Variants in USP34 observed in about 807,000 individuals in gnomAD.
USP34 encodes the protein ubiquitin carboxyl-terminal hydrolase 34.
Under a neutral mutation model 460.3 loss-of-function variants are expected in USP34, and 70 were observed. That is an observed-to-expected ratio of 0.15 (90% CI 0.13 to 0.19). The LOEUF (loss-of-function observed/expected upper bound fraction) is 0.19, where lower values mean the gene tolerates loss of function less well. Among genes scored for constraint, USP34 ranks in the 10% least tolerant of loss-of-function variants. USP34 has a pLI of 1.00. For synonymous variants in USP34, 1,647 were observed against 1,405.3 expected (o/e 1.17, Z -3.85); for missense variants, 3,985 against 4,236.2 (o/e 0.94, Z 1.65).
At chr2:61,299,336 C>T (rs1293212091) in intron 29 of USP34, among the ~76,000 whole-genome samples, 1 of 152,154 alleles carries the variant, frequency 6.6e-6, no homozygotes, top group East Asian at 1.9e-4. Context: ...TTGTGATTCA[C>T]TGCATAAGCT....
intron 65 of USP34, 49 bp downstream of exon 65, chr2:61,222,570 C>T (rs761669300): frequency 8.3e-6 from 12 of 1,452,094 alleles, no homozygotes; most frequent in Non-Finnish European, 9.6e-6. Flanking sequence ...AAAGCATTAG[C>T]AGTGCTGAAA....
At chr2:61,247,427 T>C (rs777484392) in intron 49 of USP34, among the ~76,000 whole-genome samples, 1 of 152,192 alleles carries the variant, frequency 6.6e-6, no homozygotes, top group Non-Finnish European at 1.5e-5. Flanking sequence ...GCCTAACAAA[T>C]TCCTTTATCC....
intron 5 of USP34, among the ~76,000 whole-genome samples, chr2:61,386,619 T>C (rs572021770): frequency 6.6e-6 from 1 of 152,044 alleles, no homozygotes; most frequent in Non-Finnish European, 1.5e-5. Context: ...TGAAACCCCA[T>C]CTATACTAAA....
intron 1 of USP34, among the ~76,000 whole-genome samples, chr2:61,440,828 A>AT (rs200649637): frequency 8.0e-5 from 12 of 150,224 alleles, no homozygotes; most frequent in African/African-American, 2.2e-4. Flanking sequence ...TACTTTTTTA[A>AT]TTTAAAAAAA....
chr2:61,377,188 A>G (rs763151103), intron 8 of USP34, among the ~76,000 whole-genome samples: 1 of 152,218 alleles, frequency 6.6e-6, no homozygotes, highest in Non-Finnish European at 1.5e-5. Context: ...GGGAAAAAAG[A>G]GTCAAGAGAC....
chr2:61,315,970 C>G (rs1690731224), intron 23 of USP34, among the ~76,000 whole-genome samples: 1 of 150,700 alleles, frequency 6.6e-6, no homozygotes, highest in Non-Finnish European at 1.5e-5. Flanking sequence ...GAGGCTGAGG[C>G]AGGCAGACTG....
chr2:61,453,714 CAAAA>C lies in USP34; in HGVS notation c.43+16932_43+16935del, dbSNP rs1169951643. 5.3e-4 allele frequency among the ~76,000 whole-genome samples: 17 copies of C among 31,914 alleles called. No homozygotes were observed. In the East Asian group the frequency reaches 8.0e-3, roughly 15 times the overall value. The allele number at this position is 31,914 out of a possible 152,430, so 20.9% of individuals were successfully genotyped here. ...CAAGCAACAGAGTGACATTCCATCTCAAAAAAAAAAAAAAAAAAAAAGGAAGAAG... is the reference window on the plus strand; with the variant it reads ...CAAGCAACAGAGTGACATTCCATCTCAAAAAAAAAAAAAAAAAGGAAGAAG... On this transcript the variant is annotated intron_variant, in intron 1 of 79. Coordinates refer to ENST00000398571, the MANE Select transcript of USP34 (RefSeq NM_014709.4).
rs1247434613 is a variant in USP34 at position 61,449,738 on chromosome 2, T to C, written c.43+20912A>G. Among the ~76,000 whole-genome samples the C allele has an allele frequency of 6.6e-5, 10 of 152,142 alleles. No individual in the cohort carries two copies. In the East Asian group the frequency reaches 1.7e-3, roughly 26 times the overall value. ...CAGAAAGAATAGATTTTTCTAAAAA[T>C]GAAGCTTGGACAACTGAACAGCCTC... On this transcript the variant is annotated intron_variant, in intron 1 of 79. Coordinates refer to ENST00000398571, the MANE Select transcript of USP34 (RefSeq NM_014709.4).
At chr2:61,402,058 C>T (rs1263515102) in intron 3 of USP34, among the ~76,000 whole-genome samples, 2 of 151,602 alleles carry the variant, frequency 1.3e-5, no homozygotes, top group Non-Finnish European at 2.9e-5. Context: ...CGAGACCAGG[C>T]TGGTCTCGAT....
chr2:61,292,951 T>C (rs1015734936), intron 33 of USP34, among the ~76,000 whole-genome samples: 2 of 152,164 alleles, frequency 1.3e-5, no homozygotes, highest in African/African-American at 4.8e-5. Context: ...ACCAATACTT[T>C]TGTAAAGTAT....
intron 1 of USP34, among the ~76,000 whole-genome samples, chr2:61,431,828 T>C (rs930335192): frequency 3.3e-5 from 5 of 152,230 alleles, no homozygotes; most frequent in Middle Eastern, 3.4e-3. Context: ...CATTCCAGCC[T>C]GGGCAACAAG....
At chr2:61,292,172 C>T (rs1175629145) in intron 33 of USP34, among the ~76,000 whole-genome samples, 1 of 151,658 alleles carries the variant, frequency 6.6e-6, no homozygotes, top group East Asian at 1.9e-4. Flanking sequence ...TGGAGGAGTA[C>T]ATTGATTGCA....
At chr2:61,420,229 C>T (rs1024867902) in intron 2 of USP34, among the ~76,000 whole-genome samples, 3 of 152,126 alleles carry the variant, frequency 2.0e-5, no homozygotes, top group African/African-American at 4.8e-5. Flanking sequence ...TTAGCAAAGA[C>T]TAGTTAAAAT....
chr2:61,270,984 A>AT (rs1194103510), intron 41 of USP34, among the ~76,000 whole-genome samples: 5 of 152,034 alleles, frequency 3.3e-5, no homozygotes, highest in Admixed American at 6.5e-5. Context: ...AAAGATATCC[A>AT]TTAAAAAAGC....
At chr2:61,366,999 A>G (rs1465192861) in intron 10 of USP34, among the ~76,000 whole-genome samples, 1 of 152,118 alleles carries the variant, frequency 6.6e-6, no homozygotes, top group Non-Finnish European at 1.5e-5. Context: ...CAGCAAGTCA[A>G]GACTCCACCA....
intron 27 of USP34, among the ~76,000 whole-genome samples, chr2:61,310,668 C>CACATAT (rs571418998): frequency 4.7e-4 from 71 of 150,008 alleles, no homozygotes; most frequent in Middle Eastern, 3.5e-3. Flanking sequence ...TATATATATA[C>CACATAT]ACATATACAT....
chr2:61,263,460 C>T (rs527378516), intron 43 of USP34, among the ~76,000 whole-genome samples: 24 of 151,332 alleles, frequency 1.6e-4, no homozygotes, highest in Admixed American at 5.9e-4. Flanking sequence ...GGATTACAGG[C>T]GTGAGCTACT....
chr2:61,316,116 G>C (rs1440706220), intron 23 of USP34, among the ~76,000 whole-genome samples: 1 of 151,924 alleles, frequency 6.6e-6, no homozygotes, highest in Non-Finnish European at 1.5e-5. Flanking sequence ...TGAAGCAAGA[G>C]AATTGGTTGA....
At chr2:61,364,885 G>A (rs773989499) in intron 10 of USP34, among the ~76,000 whole-genome samples, 25 of 151,922 alleles carry the variant, frequency 1.6e-4, no homozygotes, top group African/African-American at 2.4e-4. Context: ...AGCCAAGATC[G>A]TACCACTGTA....
Sources: gnomAD v4.1 joint callset for allele counts (sites outside exome capture counted in the v4.1 genomes callset) on GRCh38, gnomAD v4.1.1 for gene constraint, MANE v1.5 for transcripts, NCBI Gene and HGNC (gene_info 2026-07-23, HGNC 2026-07-21) for gene names.